PYGB: variants seen among roughly 807,000 people sequenced by gnomAD.
PYGB encodes the protein glycogen phosphorylase B, also known as glycogen phosphorylase, brain form.
PYGB carries 82 observed loss-of-function variants against 94.3 expected under a neutral mutation model. The observed-to-expected ratio is 0.87, with a 90% CI of 0.73 to 1.04. PYGB has a LOEUF of 1.04. Ranked by LOEUF, PYGB falls within the 50% of genes least tolerant of loss-of-function variation. The pLI is 0.00. For missense variants in PYGB, 1,132 were observed against 1,158.2 expected (o/e 0.98, Z 0.33); for synonymous variants, 488 against 479.1 (o/e 1.02, Z -0.24).
intron 11 of PYGB, 111 bp from the exon 12 acceptor site, chr20:25,281,922 A>C (rs2088371305): frequency 5.5e-6 from 5 of 917,158 alleles, no homozygotes; most frequent in Admixed American, 1.9e-5. Context: ...ACAGAACAGA[A>C]CCACTGAGCT....
intron 4 of PYGB, among the ~76,000 whole-genome samples, chr20:25,273,522 G>GT (rs1412034156): frequency 6.6e-6 from 1 of 152,254 alleles, no homozygotes; most frequent in African/African-American, 2.4e-5. Flanking sequence ...TCTCATTTCA[G>GT]TTTTAGTAAT....
chr20:25,254,978 T>A, intron 1 of PYGB, among the ~76,000 whole-genome samples: 1 of 152,214 alleles, frequency 6.6e-6, no homozygotes, highest in East Asian at 1.9e-4. Context: ...AACAGACCTG[T>A]GTTTGAGTCG....
intron 8 of PYGB, among the ~76,000 whole-genome samples, chr20:25,278,714 G>A (rs567462753): frequency 5.9e-5 from 9 of 152,338 alleles, no homozygotes; most frequent in Non-Finnish European, 8.8e-5. Context: ...GTGCTGGGCA[G>A]GCTAAATGGG....
chr20:25,253,270 C>T (rs1360055842), intron 1 of PYGB, among the ~76,000 whole-genome samples: 2 of 152,182 alleles, frequency 1.3e-5, no homozygotes, highest in Non-Finnish European at 2.9e-5. Context: ...TCACTTGAGC[C>T]AATTTCTTAA....
chr20:25,268,160 C>CGCCCCT (rs1555806040), intron 2 of PYGB, among the ~76,000 whole-genome samples: 1 of 20,672 alleles, frequency 4.8e-5, no homozygotes, highest in Non-Finnish European at 7.9e-5. Context: ...TCCTAGCACC[C>CGCCCCT]GCCCCCCCCC....
intron 18 of PYGB, 100 bp downstream of exon 18, chr20:25,294,392 C>G: frequency 7.1e-7 from 1 of 1,410,084 alleles, no homozygotes; most frequent in South Asian, 1.3e-5. Context: ...GAGCAAAACC[C>G]GTGCTTTCAG....
At chr20:25,269,412 C>T (rs894133678) in intron 3 of PYGB, among the ~76,000 whole-genome samples, 1 of 152,224 alleles carries the variant, frequency 6.6e-6, no homozygotes, top group Non-Finnish European at 1.5e-5. Flanking sequence ...GACGTGTCAT[C>T]ATTATCACGA....
chr20:25,282,190 T>A (rs2088374490), intron 12 of PYGB, 43 bp downstream of exon 12: 1 of 1,497,120 alleles, frequency 6.7e-7, no homozygotes, highest in African/African-American at 1.4e-5. Flanking sequence ...ATGCCTGGGC[T>A]GAGAACCGCG....
At chr20:25,262,211 G>C (rs770173643) in intron 2 of PYGB, among the ~76,000 whole-genome samples, 3 of 152,222 alleles carry the variant, frequency 2.0e-5, no homozygotes, top group African/African-American at 4.8e-5. Flanking sequence ...AGGAGAAAAT[G>C]TTAAGGGCAA....
intron 3 of PYGB, 121 bp downstream of exon 3, chr20:25,269,328 G>C (rs1047642206): frequency 4.3e-6 from 3 of 694,212 alleles, no homozygotes; most frequent in Non-Finnish European, 7.2e-6. Context: ...GGATGGGCCA[G>C]TGTGTTCTTC....
chr20:25,250,745 TAATGTGAC>T (rs2123503583), intron 1 of PYGB, among the ~76,000 whole-genome samples: 1 of 152,300 alleles, frequency 6.6e-6, no homozygotes, highest in African/African-American at 2.4e-5. Context: ...CAGACTGTGG[TAATGTGAC>T]ACTCTAGAGC....
At chr20:25,266,804 T>G (rs1419343231) in intron 2 of PYGB, among the ~76,000 whole-genome samples, 1 of 152,146 alleles carries the variant, frequency 6.6e-6, no homozygotes, top group African/African-American at 2.4e-5. Flanking sequence ...AAAACCACAA[T>G]GAGACGCCGC....
In PYGB at chr20:25,294,240, A is replaced by G. The variant is rs202075756; in HGVS notation, c.2260A>G (p.Lys754Glu). 1.3e-6 allele frequency: 2 copies of G among 1,598,346 alleles called. No individual in the cohort carries two copies. Residue 754 changes from lysine to glutamate, a missense_variant, in exon 18 of 20, where the codon AAG (lysine) becomes GAG (glutamate). Coordinates refer to ENST00000216962, the MANE Select transcript of PYGB (RefSeq NM_002862.4). ...DQISSGFFSP[K>E]EPDCFKDIVN... ...GATCAGCAGTGGCTTTTTTTCTCCC[A>G]AGGAGCCAGACTGCTTCAAGGACAT... is the stretch of plus-strand genomic sequence containing the variant.
At chr20:25,256,610 A>G (rs535336120) in intron 1 of PYGB, among the ~76,000 whole-genome samples, 3 of 152,362 alleles carry the variant, frequency 2.0e-5, no homozygotes, top group South Asian at 2.1e-4. Context: ...GCCCAGTTCA[A>G]TCCCAGGCGG....
chr20:25,252,831 G>A (rs1203247686), intron 1 of PYGB, among the ~76,000 whole-genome samples: 1 of 152,180 alleles, frequency 6.6e-6, no homozygotes, highest in Non-Finnish European at 1.5e-5. Flanking sequence ...TTGGTGATGA[G>A]CTCAGCCTTT....
Position 25,296,634 on chromosome 20 carries a change from CCAT to C in PYGB, c.*113_*115del. ...CTGGTGGTCCCTGCTTTTCTGAGTACCATGTTTCCAGGAGGGGCCATGGGGGTC... is the reference window on the plus strand; with the variant it reads ...CTGGTGGTCCCTGCTTTTCTGAGTACGTTTCCAGGAGGGGCCATGGGGGTC... On this transcript the variant is annotated 3_prime_UTR_variant, in exon 20 of 20. Transcript: ENST00000216962. The C allele has an allele frequency of 7.2e-7, 1 of 1,386,824 alleles. No individual in the cohort carries two copies. Among genetic ancestry groups the C allele is most frequent in the African/African-American group, 1.4e-5 (1 of 69,554 alleles). The allele number at this position is 1,386,824 out of a possible 1,614,324, so 85.9% of individuals were successfully genotyped here. A position where few individuals can be genotyped will look rare whatever the true frequency, so the allele number is the denominator to read the frequency against.
At chr20:25,294,326 GGGA>G in intron 18 of PYGB, 34 bp downstream of exon 18, 1 of 1,440,590 alleles carries the variant, frequency 6.9e-7, no homozygotes, top group Non-Finnish European at 9.7e-7. Flanking sequence ...GTGGCTGGGA[GGGA>G]GGGAGGGAGG....
chr20:25,259,338 G>T lies in PYGB; in HGVS notation c.345G>T (p.Gln115His). 1 of 1,599,224 alleles carries T rather than the reference G, an allele frequency of 6.3e-7. No homozygotes were observed. The highest frequency in any genetic ancestry group is 8.6e-7 in the Non-Finnish European group (1 of 1,166,616). ...ATGCCTGCGATGAAGCCATCTATCA[G>T]GTACAGAGCCTCATGGCCGGGCTTC... ...LQNACDEAIY[Q>H]LGLDLEELEE... The change falls in exon 2 of 20, where the codon CAG becomes CAT. Residue 115 changes from glutamine to histidine, a missense_variant and splice_region_variant. Coordinates refer to ENST00000216962, the MANE Select transcript of PYGB (RefSeq NM_002862.4).
At position 25,276,692 on chromosome 20, in the gene PYGB, A is replaced by C; in HGVS notation, c.707A>C (p.Asn236Thr). Reference protein sequence around the residue: ...PYDTPVPGYKNNTVNTMRLWS... With the variant: ...PYDTPVPGYKTNTVNTMRLWS... The stretch of plus-strand genomic sequence containing the variant: ...GACACCCCAGTGCCCGGCTACAAGA[A>C]CAACACCGTCAACACCATGCGGCTG... The change falls in exon 6 of 20, where the codon AAC becomes ACC. Residue 236 changes from asparagine to threonine, a missense_variant. Asn to Thr is a moderately conservative substitution (Grantham distance 65). Transcript: ENST00000216962. 1 of 1,613,956 alleles carries C rather than the reference A, an allele frequency of 6.2e-7. No individual in the cohort carries two copies. The highest frequency in any genetic ancestry group is 2.2e-5 in the East Asian group (1 of 44,870).
Sources: gnomAD v4.1 joint callset for allele counts (sites outside exome capture counted in the v4.1 genomes callset) on GRCh38, gnomAD v4.1.1 for gene constraint, MANE v1.5 for transcripts, NCBI Gene and HGNC (gene_info 2026-07-23, HGNC 2026-07-21) for gene names.